RALY: variants seen among roughly 807,000 people sequenced by gnomAD.
The protein encoded by RALY is RALY heterogeneous nuclear ribonucleoprotein, also known as RNA-binding protein Raly.
Under a neutral mutation model 30.7 loss-of-function variants are expected in RALY, and 15 were observed. The observed-to-expected ratio is 0.49, with a 90% CI of 0.33 to 0.75. The LOEUF (loss-of-function observed/expected upper bound fraction) is 0.75. RALY is among the 30% of genes least tolerant of loss of function. The pLI, the probability that RALY is intolerant of heterozygous loss-of-function variation, is 0.02. For missense variants in RALY, 339 were observed against 414.3 expected (o/e 0.82, Z 1.58); for synonymous variants, 177 against 170.8 (o/e 1.04, Z -0.28).
chr20:34,027,482 G>A (rs748420026), intron 1 of RALY, among the ~76,000 whole-genome samples: 2 of 152,206 alleles, frequency 1.3e-5, no homozygotes, highest in African/African-American at 2.4e-5. Context: ...TGCTTCTTCT[G>A]TGAAGCTTCT....
At chr20:34,070,208 CT>C (rs1285437324) in intron 2 of RALY, among the ~76,000 whole-genome samples, 1 of 152,106 alleles carries the variant, frequency 6.6e-6, no homozygotes, top group Non-Finnish European at 1.5e-5. Flanking sequence ...TATTTGGAGT[CT>C]TTTATCACCT....
chr20:34,003,672 C>G (rs1258065687), intron 1 of RALY, among the ~76,000 whole-genome samples: 1 of 137,026 alleles, frequency 7.3e-6, no homozygotes, highest in Non-Finnish European at 1.5e-5. Context: ...CGGAGTCTCG[C>G]TCTGTCGCCC....
intron 1 of RALY, among the ~76,000 whole-genome samples, chr20:34,018,399 C>T (rs147958906): frequency 1.9e-3 from 283 of 152,322 alleles, no homozygotes; most frequent in Non-Finnish European, 2.9e-3. Context: ...GAAAGTTCGT[C>T]TGGCCCAGGC....
At chr20:34,076,080 T>C in intron 6 of RALY, 40 bp downstream of exon 6, 1 of 1,575,912 alleles carries the variant, frequency 6.3e-7, no homozygotes, top group East Asian at 2.3e-5. Context: ...TTTGCATTTT[T>C]ATCATTAGCA....
At chr20:34,018,026 A>C (rs1023247167) in intron 1 of RALY, among the ~76,000 whole-genome samples, 7 of 152,220 alleles carry the variant, frequency 4.6e-5, no homozygotes, top group Non-Finnish European at 1.0e-4. Context: ...GGAAGAATGA[A>C]GGGTAAGAGT....
chr20:34,020,478 G>T (rs1232087745), intron 1 of RALY, among the ~76,000 whole-genome samples: 1 of 152,222 alleles, frequency 6.6e-6, no homozygotes, highest in Non-Finnish European at 1.5e-5. Context: ...GGATGAATAA[G>T]GGTAGAGTTT....
chr20:34,010,654 C>T (rs1472241028), intron 1 of RALY, among the ~76,000 whole-genome samples: 1 of 152,114 alleles, frequency 6.6e-6, no homozygotes, highest in Non-Finnish European at 1.5e-5. Context: ...GACAACTGAT[C>T]CTGATTTTCC....
At chr20:34,045,470 A>G (rs960270320) in intron 2 of RALY, among the ~76,000 whole-genome samples, 6 of 152,076 alleles carry the variant, frequency 3.9e-5, no homozygotes, top group African/African-American at 1.4e-4. Flanking sequence ...GAGGCAGGAG[A>G]TAAGGTTGGA....
At chr20:34,032,258 C>T (rs926433797) in intron 2 of RALY, among the ~76,000 whole-genome samples, 4 of 152,142 alleles carry the variant, frequency 2.6e-5, no homozygotes, top group Admixed American at 6.5e-5. Flanking sequence ...CCACCGCGCC[C>T]GGCCCCGTAG....
chr20:34,015,388 C>G (rs1269578995), intron 1 of RALY, among the ~76,000 whole-genome samples: 1 of 151,442 alleles, frequency 6.6e-6, no homozygotes, highest in South Asian at 2.1e-4. Flanking sequence ...AACAAAAAAG[C>G]AAAAAACTTT....
At chr20:34,003,710 G>A (rs182925497) in intron 1 of RALY, among the ~76,000 whole-genome samples, 1,529 of 145,838 alleles carry the variant, frequency 0.01, 28 homozygotes, top group African/African-American at 0.039. Flanking sequence ...CGGGATCTCG[G>A]CTCACTGCAA....
At chr20:34,049,140 G>A (rs1049180825) in intron 2 of RALY, 1 of 153,824 alleles carries the variant, frequency 6.5e-6, no homozygotes, top group Non-Finnish European at 1.5e-5. Flanking sequence ...TCCCTTCAGA[G>A]CCTGGCTTTG....
At chr20:34,067,215 C>T (rs1404429067) in intron 2 of RALY, among the ~76,000 whole-genome samples, 1 of 151,988 alleles carries the variant, frequency 6.6e-6, no homozygotes, top group African/African-American at 2.4e-5. Flanking sequence ...CTTTTTTTGA[C>T]GGAAAGTCTC....
chr20:34,060,940 A>G (rs2033398260), intron 2 of RALY, among the ~76,000 whole-genome samples: 1 of 152,214 alleles, frequency 6.6e-6, no homozygotes, highest in Admixed American at 6.5e-5. Context: ...CAATTTGCCC[A>G]GTCATAGTCT....
intron 2 of RALY, among the ~76,000 whole-genome samples, chr20:34,068,025 C>T (rs145821818): frequency 6.3e-4 from 96 of 152,218 alleles, no homozygotes; most frequent in Middle Eastern, 3.4e-3. Context: ...TTCTGTTCTT[C>T]CGAGTAAGAG....
chr20:34,025,040 C>G (rs1207165217), intron 1 of RALY, among the ~76,000 whole-genome samples: 1 of 152,164 alleles, frequency 6.6e-6, no homozygotes, highest in Non-Finnish European at 1.5e-5. Flanking sequence ...GGCTATTTGC[C>G]CTGTGCCTTT....
chr20:34,001,975 G>C (rs1277438552), intron 1 of RALY, among the ~76,000 whole-genome samples: 1 of 152,120 alleles, frequency 6.6e-6, no homozygotes, highest in Non-Finnish European at 1.5e-5. Flanking sequence ...CACAGTGTTC[G>C]CCAGGATGGT....
At chr20:34,007,312 G>T (rs554984846) in intron 1 of RALY, among the ~76,000 whole-genome samples, 20 of 152,026 alleles carry the variant, frequency 1.3e-4, no homozygotes, top group African/African-American at 4.8e-4. Flanking sequence ...ACGAGGTCAA[G>T]AGATCAAGAC....
Position 34,033,936 on chromosome 20 carries a change from A to T in RALY, c.-10+2332A>T, listed in dbSNP as rs114355887. Among the ~76,000 whole-genome samples, 332 of 152,274 alleles carry T rather than the reference A, an allele frequency of 2.2e-3. 1 individual carries two copies. Among genetic ancestry groups the T allele is most frequent in the African/African-American group, 7.7e-3 (320 of 41,546 alleles). On this transcript the variant is annotated intron_variant, in intron 2 of 9. Transcript: ENST00000246194. ...GTCTTTCCATAAGGAAAGGGATTCC[A>T]GGGCAGAGATGACAAAGCCAGGTAG...
Sources: allele counts gnomAD v4.1 joint callset (sites outside exome capture counted in the v4.1 genomes callset), GRCh38; gene constraint gnomAD v4.1.1; transcripts MANE v1.5; gene names NCBI Gene and HGNC (gene_info 2026-07-23, HGNC 2026-07-21).